RAB33A: variants seen among roughly 807,000 people sequenced by gnomAD.
RAB33A encodes RAB33A, member RAS oncogene family.
Under a neutral mutation model 12.0 loss-of-function variants are expected in RAB33A, and 6 were observed. The observed-to-expected ratio is 0.50, with a 90% CI of 0.27 to 0.99. The LOEUF is 0.99. RAB33A is among the 50% of genes least tolerant of loss of function. The pLI is 0.11. For synonymous variants in RAB33A, 70 were observed against 82.4 expected, an observed-to-expected ratio of 0.85 and a Z score of 0.81; for missense variants, 109 against 192.0, an observed-to-expected ratio of 0.57 and a Z score of 2.55.
At chrX:130,150,977 C>CAAAAAAA in the RAB33A span, among the ~76,000 whole-genome samples, 5 of 27,797 alleles carry the variant, frequency 1.8e-4, no homozygotes, top group African/African-American at 7.1e-4. Context: ...GACTCTGTCT[C>CAAAAAAA]AAAAAAAAAA....
chrX:130,120,884 G>A, the RAB33A span, among the ~76,000 whole-genome samples: 1 of 113,311 alleles, frequency 8.8e-6, no homozygotes, highest in African/African-American at 3.2e-5. Flanking sequence ...ACCTGCACGC[G>A]GAACGCGGCG....
the RAB33A span, among the ~76,000 whole-genome samples, chrX:130,152,747 T>C: frequency 6.3e-5 from 7 of 111,719 alleles, no homozygotes; most frequent in Non-Finnish European, 1.3e-4. Flanking sequence ...AACTCTCACA[T>C]CAATGCGAAT....
chrX:130,144,649 C>T, the RAB33A span, among the ~76,000 whole-genome samples: 16 of 111,805 alleles, frequency 1.4e-4, no homozygotes, highest in Non-Finnish European at 2.1e-4. Flanking sequence ...TGTCATCACT[C>T]TACTGGGCAC....
the RAB33A span, among the ~76,000 whole-genome samples, chrX:130,116,268 T>C: frequency 1.8e-5 from 2 of 108,557 alleles, no homozygotes; most frequent in Admixed American, 9.9e-5. Context: ...TACAGACGCC[T>C]GCCACCACGT....
chrX:130,170,217 G>C (rs1248863745), upstream of RAB33A, among the ~76,000 whole-genome samples: 2 of 112,726 alleles, frequency 1.8e-5, no homozygotes, highest in Non-Finnish European at 3.7e-5. Flanking sequence ...GCCATTCTGA[G>C]TAACTTGGAC....
At chrX:130,118,246 A>G in the RAB33A span, among the ~76,000 whole-genome samples, 1 of 112,603 alleles carries the variant, frequency 8.9e-6, no homozygotes, top group Non-Finnish European at 1.9e-5. Context: ...ACCACAGGGG[A>G]CCATGGGGCC....
chrX:130,154,646 T>C, the RAB33A span, among the ~76,000 whole-genome samples: 1 of 112,068 alleles, frequency 8.9e-6, no homozygotes, highest in Non-Finnish European at 1.9e-5. Context: ...ATGGGGAGAA[T>C]ATTGCAGTTT....
the RAB33A span, among the ~76,000 whole-genome samples, chrX:130,123,283 G>A: frequency 8.9e-6 from 1 of 112,383 alleles, no homozygotes; most frequent in Non-Finnish European, 1.9e-5. Context: ...GGCAGTGAGC[G>A]GCAGCACTGC....
the RAB33A span, among the ~76,000 whole-genome samples, chrX:130,158,283 A>T: frequency 8.9e-6 from 1 of 111,821 alleles, no homozygotes; most frequent in Non-Finnish European, 1.9e-5. Context: ...AAAAAGAGAA[A>T]AAGAAAAAAG....
chrX:130,120,619 G>A, the RAB33A span, among the ~76,000 whole-genome samples: 1 of 112,379 alleles, frequency 8.9e-6, no homozygotes, highest in South Asian at 3.7e-4. Flanking sequence ...TGGCTCGAGG[G>A]ACTTTGCAGA....
chrX:130,152,761 A>G, the RAB33A span, among the ~76,000 whole-genome samples: 1 of 111,932 alleles, frequency 8.9e-6, no homozygotes, highest in Non-Finnish European at 1.9e-5. Context: ...TGCGAATCAG[A>G]AGTTCATATT....
chrX:130,135,591 T>C, the RAB33A span, among the ~76,000 whole-genome samples: 1 of 110,853 alleles, frequency 9.0e-6, no homozygotes, highest in South Asian at 3.8e-4. Context: ...TAGTCTTGTT[T>C]ATGTCATAAT....
the RAB33A span, among the ~76,000 whole-genome samples, chrX:130,119,270 C>T: frequency 8.9e-6 from 1 of 111,939 alleles, no homozygotes; most frequent in East Asian, 2.8e-4. Flanking sequence ...ATTCCCATCT[C>T]TGCAGCCTTA....
chrX:130,168,412 A>G (rs1201058314), upstream of RAB33A, among the ~76,000 whole-genome samples: 12 of 109,897 alleles, frequency 1.1e-4, no homozygotes, highest in Admixed American at 1.1e-3. Flanking sequence ...ACGGGGTTCC[A>G]CAATGTTGTC....
the RAB33A span, among the ~76,000 whole-genome samples, chrX:130,158,678 A>T: frequency 9.9e-6 from 1 of 100,558 alleles, no homozygotes. Context: ...TATAAAATAC[A>T]CTAACACTAA....
At chrX:130,136,545 G>T in the RAB33A span, 1 of 780,992 alleles carries the variant, frequency 1.3e-6, no homozygotes, top group Non-Finnish European at 2.0e-6. Context: ...CAACTGCCAG[G>T]AAAACTAATC....
Position 130,184,431 on chromosome X carries a change from C to T in RAB33A, c.405C>T (p.Cys135=). 1 of 1,211,768 alleles carries T rather than the reference C, an allele frequency of 8.3e-7. No individual in the cohort carries two copies. The highest frequency in any genetic ancestry group is 1.1e-6 in the Non-Finnish European group (1 of 895,291). The part of the protein sequence containing the change: ...FTNLKMWIQE[C]NGHAVPPLVP... ...ACCTCAAAATGTGGATCCAAGAATG[C>T]AATGGGCATGCTGTGCCCCCACTAG... Residue 135 remains cysteine (C), a synonymous_variant, in exon 2 of 2, where the codon TGC becomes TGT. Coordinates refer to ENST00000257017, the MANE Select transcript of RAB33A (RefSeq NM_004794.3).
chrX:130,132,317 T>C, the RAB33A span, among the ~76,000 whole-genome samples: 1 of 112,416 alleles, frequency 8.9e-6, no homozygotes, highest in Non-Finnish European at 1.9e-5. Flanking sequence ...AAAAAGCCAT[T>C]ATACACGACC....
chrX:130,127,450 T>C, the RAB33A span, among the ~76,000 whole-genome samples: 4 of 111,208 alleles, frequency 3.6e-5, 1 homozygote, highest in East Asian at 2.8e-4. Flanking sequence ...CAATGAACAC[T>C]GATTAGATGA....
Sources: allele counts gnomAD v4.1 joint callset (sites outside exome capture counted in the v4.1 genomes callset), GRCh38; gene constraint gnomAD v4.1.1; transcripts MANE v1.5; gene names NCBI Gene and HGNC (gene_info 2026-07-23, HGNC 2026-07-21).